Variants in TRIO observed in about 807,000 individuals in gnomAD.
TRIO encodes the protein trio Rho guanine nucleotide exchange factor, also known as triple functional domain protein.
In TRIO, 58 loss-of-function variants were observed where a neutral mutation model predicts 351.9. The observed-to-expected ratio is 0.16, with a 90% CI of 0.13 to 0.21. The LOEUF is 0.21. Ranked by LOEUF, TRIO falls within the 10% of genes least tolerant of loss-of-function variation. The probability of loss-of-function intolerance (pLI) is 1.00; values close to 1 mark genes in which losing one functional copy is unlikely to be tolerated. For synonymous variants in TRIO, 1,758 were observed against 1,595.7 expected (o/e 1.10, Z -2.42); for missense variants, 3,201 against 4,027.8 (o/e 0.79, Z 5.56).
At chr5:14,155,655 A>T (rs1213092275) in intron 1 of TRIO, among the ~76,000 whole-genome samples, 1 of 152,184 alleles carries the variant, frequency 6.6e-6, no homozygotes, top group Non-Finnish European at 1.5e-5. Context: ...CCTGATTCTC[A>T]TGACTAAATT....
chr5:14,272,730 AGTATTCCTAATTTAT>A (rs1561277405), intron 2 of TRIO, among the ~76,000 whole-genome samples: 1 of 152,226 alleles, frequency 6.6e-6, no homozygotes, highest in Non-Finnish European at 1.5e-5. Flanking sequence ...TCACTTTTAC[AGTATTCCTAATTTAT>A]GACCAGAACT....
At chr5:14,453,507 A>G (rs1014759105) in intron 34 of TRIO, among the ~76,000 whole-genome samples, 3 of 152,332 alleles carry the variant, frequency 2.0e-5, no homozygotes, top group African/African-American at 7.2e-5. Flanking sequence ...CTGTGCTATC[A>G]TGGAGTCCTT....
intron 27 of TRIO, 97 bp from the exon 28 acceptor site, chr5:14,393,941 G>A (rs963154016): frequency 1.4e-6 from 1 of 695,334 alleles, no homozygotes; most frequent in Admixed American, 2.6e-5. Flanking sequence ...TTAAACAGTT[G>A]TCAGGTACAG....
At chr5:14,154,506 G>A (rs754655458) in intron 1 of TRIO, among the ~76,000 whole-genome samples, 14 of 152,032 alleles carry the variant, frequency 9.2e-5, no homozygotes, top group Non-Finnish European at 1.6e-4. Context: ...TTTAGTTGGG[G>A]GAAGCAGGGT....
At chr5:14,487,260 C>T (rs1755987331) in intron 47 of TRIO, among the ~76,000 whole-genome samples, 1 of 152,102 alleles carries the variant, frequency 6.6e-6, no homozygotes, top group African/African-American at 2.4e-5. Context: ...GAATGCGGCC[C>T]CTTCCACCCG....
chr5:14,439,694 G>A (rs143223900), intron 34 of TRIO, among the ~76,000 whole-genome samples: 9 of 152,246 alleles, frequency 5.9e-5, no homozygotes, highest in African/African-American at 1.9e-4. Context: ...TCTGCCTCTC[G>A]CTGGGTCCTG....
In TRIO at chr5:14,401,070, T is replaced by C; in HGVS notation, c.4716+6T>C. 6.2e-7 allele frequency: 1 copy of C among 1,612,050 alleles called. No individual in the cohort carries two copies. The highest frequency in any genetic ancestry group is 8.5e-7 in the Non-Finnish European group (1 of 1,178,590). Reference sequence around the variant, plus strand: ...ATAATAAAATTGTCCTTAAGGTACGTTCATTTGAAGCTGGGAATGTGCTGT... The same window carrying C: ...ATAATAAAATTGTCCTTAAGGTACGCTCATTTGAAGCTGGGAATGTGCTGT... On this transcript the variant is annotated splice_donor_region_variant and intron_variant, in intron 31 of 56. Transcript: ENST00000344204.
At chr5:14,179,155 G>A (rs1789594738) in intron 1 of TRIO, among the ~76,000 whole-genome samples, 1 of 152,160 alleles carries the variant, frequency 6.6e-6, no homozygotes, top group Non-Finnish European at 1.5e-5. Context: ...CAGCACGTCG[G>A]TGTCCCGTCC....
chr5:14,498,332 C>A (rs756979110), intron 52 of TRIO, 81 bp downstream of exon 52: 3 of 1,561,898 alleles, frequency 1.9e-6, no homozygotes, highest in Non-Finnish European at 2.6e-6. Context: ...TCCTCCTTCA[C>A]GGATGGATTT....
At chr5:14,296,665 G>C (rs1737389092) in intron 6 of TRIO, among the ~76,000 whole-genome samples, 1 of 152,068 alleles carries the variant, frequency 6.6e-6, no homozygotes, top group African/African-American at 2.4e-5. Flanking sequence ...TGGGTTTCTG[G>C]GTTCTGGTTA....
intron 1 of TRIO, among the ~76,000 whole-genome samples, chr5:14,169,759 A>G (rs1788991248): frequency 6.6e-6 from 1 of 152,250 alleles, no homozygotes; most frequent in Non-Finnish European, 1.5e-5. Flanking sequence ...ATTCAAATCT[A>G]CCTTTGGAAA....
At chr5:14,206,436 C>A (rs866072171) in intron 1 of TRIO, among the ~76,000 whole-genome samples, 3 of 152,248 alleles carry the variant, frequency 2.0e-5, no homozygotes. Flanking sequence ...TAGATTCTTG[C>A]TCTTGTCTTG....
intron 55 of TRIO, among the ~76,000 whole-genome samples, chr5:14,504,860 A>C (rs1398836229): frequency 5.4e-5 from 8 of 149,286 alleles, no homozygotes; most frequent in African/African-American, 1.2e-4. Flanking sequence ...CCGGAGATGC[A>C]CCCCCCCCAC....
chr5:14,201,007 C>G (rs1791073058), intron 1 of TRIO, among the ~76,000 whole-genome samples: 1 of 151,990 alleles, frequency 6.6e-6, no homozygotes, highest in Non-Finnish European at 1.5e-5. Context: ...GCCTGTAACC[C>G]AGCACTTTGG....
chr5:14,493,770 C>T (rs978340998), intron 49 of TRIO, among the ~76,000 whole-genome samples: 1 of 152,218 alleles, frequency 6.6e-6, no homozygotes, highest in Non-Finnish European at 1.5e-5. Context: ...AAGCGCCTCT[C>T]GCACCGAACA....
chr5:14,387,080 A>C (rs1266731047), intron 21 of TRIO, among the ~76,000 whole-genome samples: 2 of 152,264 alleles, frequency 1.3e-5, no homozygotes, highest in Non-Finnish European at 2.9e-5. Flanking sequence ...GTCTTTGCTC[A>C]GCGGCTTTGA....
At position 14,265,472 on chromosome 5, in the gene TRIO, A is replaced by G. The variant is rs1795620185; in HGVS notation, c.158-5353A>G. ...TTTTAAAATTTGATTCATTTGATTC[A>G]TCTTTCTGCCAGTTATGTAAAAATA... On this transcript the variant is annotated intron_variant, in intron 1 of 56. Transcript: ENST00000344204. 2.0e-5 allele frequency among the ~76,000 whole-genome samples: 3 copies of G among 152,218 alleles called. No individual in the cohort carries two copies. The South Asian group carries it at 6.2e-4, about 32-fold the overall frequency.
chr5:14,256,514 G>A (rs541599098), intron 1 of TRIO, among the ~76,000 whole-genome samples: 1 of 152,248 alleles, frequency 6.6e-6, no homozygotes, highest in African/African-American at 2.4e-5. Context: ...TCAGTGTTCT[G>A]GTTCTTAAAC....
At chr5:14,490,487 C>T (rs1174481805) in intron 48 of TRIO, among the ~76,000 whole-genome samples, 2 of 152,252 alleles carry the variant, frequency 1.3e-5, no homozygotes, top group Non-Finnish European at 2.9e-5. Context: ...CAACCCAAAC[C>T]ATGGCTGCAC....
Sources: gnomAD v4.1 joint callset for allele counts (sites outside exome capture counted in the v4.1 genomes callset) on GRCh38, gnomAD v4.1.1 for gene constraint, MANE v1.5 for transcripts, NCBI Gene and HGNC (gene_info 2026-07-23, HGNC 2026-07-21) for gene names.